Variants in IFNA8 observed in about 807,000 individuals in gnomAD.
The protein encoded by IFNA8 is interferon alpha 8.
For missense variants in IFNA8, 246 were observed against 212.3 expected (o/e 1.16, Z -0.99); for synonymous variants, 91 against 84.4 (o/e 1.08, Z -0.43).
rs1008606989 is a variant in IFNA8 at position 21,409,807 on chromosome 9, G to C, written c.*61G>C. 1 of 1,452,564 alleles carries C rather than the reference G, an allele frequency of 6.9e-7. No individual in the cohort carries two copies. Among genetic ancestry groups the C allele is most frequent in the Non-Finnish European group, 9.6e-7 (1 of 1,045,514 alleles). 90.0% of individuals were successfully genotyped at this position (1,452,564 alleles called of 1,614,324 possible). On this transcript the variant is annotated 3_prime_UTR_variant, in exon 1 of 1. Coordinates refer to ENST00000380205, the MANE Select transcript of IFNA8 (RefSeq NM_002170.4). Reference sequence around the variant, plus strand: ...AATACAGCAGCTCACACTTCGACAAGTTGTGCTCTTTCAAAGACCCTTGTT... The same window carrying C: ...AATACAGCAGCTCACACTTCGACAACTTGTGCTCTTTCAAAGACCCTTGTT...
In IFNA8 at chr9:21,409,318, T is replaced by C; in HGVS notation, c.142T>C (p.Ser48Pro). 1 of 1,613,946 alleles carries C rather than the reference T, an allele frequency of 6.2e-7. No homozygotes were observed. Among genetic ancestry groups the C allele is most frequent in the Non-Finnish European group, 8.5e-7 (1 of 1,179,940 alleles). ...ACTCCTGGCACAAATGCGAAGAATCTCTCCTTTCTCCTGCCTGAAGGACAG... is the reference window on the plus strand; with the variant it reads ...ACTCCTGGCACAAATGCGAAGAATCCCTCCTTTCTCCTGCCTGAAGGACAG... ...LILLAQMRRI[S>P]PFSCLKDRHD... The change falls in exon 1 of 1, where the codon TCT becomes CCT. Residue 48 changes from serine to proline, a missense_variant. Coordinates refer to ENST00000380205, the MANE Select transcript of IFNA8 (RefSeq NM_002170.4).
Position 21,409,260 on chromosome 9 carries a change from G to T in IFNA8, c.84G>T (p.Gln28His). ...SFSSLGCDLPQTHSLGNRRAL... is the reference protein window; with the variant it reads ...SFSSLGCDLPHTHSLGNRRAL... ...GCTCTCTGGGCTGTGATCTGCCTCA[G>T]ACTCACAGCCTGGGTAACAGGAGGG... The change falls in exon 1 of 1, where the codon CAG becomes CAT. Residue 28 changes from glutamine (Q) to histidine (H), a missense_variant. Physicochemically the swap from Gln to His is conservative, Grantham distance 24. Coordinates refer to ENST00000380205, the MANE Select transcript of IFNA8 (RefSeq NM_002170.4). The T allele has an allele frequency of 6.2e-7, 1 of 1,613,980 alleles. No individual in the cohort carries two copies. Among genetic ancestry groups the T allele is most frequent in the Non-Finnish European group, 8.5e-7 (1 of 1,179,928 alleles).
Position 21,409,337 on chromosome 9 carries a change from A to G in IFNA8, c.161A>G (p.Lys54Arg). 6.2e-7 allele frequency: 1 copy of G among 1,614,084 alleles called. No individual in the cohort carries two copies. Among genetic ancestry groups the G allele is most frequent in the African/African-American group, 1.3e-5 (1 of 75,006 alleles). ...MRRISPFSCL[K>R]DRHDFEFPQE... is the part of the protein sequence containing the mutation. The stretch of plus-strand genomic sequence containing the variant: ...AGAATCTCTCCTTTCTCCTGCCTGA[A>G]GGACAGACATGACTTTGAATTCCCC... Residue 54 changes from lysine to arginine, a missense_variant, in exon 1 of 1, where the codon AAG becomes AGG. Lys to Arg is a conservative substitution (Grantham distance 26). Coordinates refer to ENST00000380205, the MANE Select transcript of IFNA8 (RefSeq NM_002170.4).
Position 21,409,885 on chromosome 9 carries a change from G to A in IFNA8, c.*139G>A, listed in dbSNP as rs1818022573. The A allele has an allele frequency of 1.7e-5, 13 of 768,154 alleles. No individual in the cohort carries two copies. The South Asian group carries it at 2.3e-4, about 13-fold the overall frequency. 47.6% of individuals were successfully genotyped at this position (768,154 alleles called of 1,614,324 possible). On this transcript the variant is annotated 3_prime_UTR_variant, in exon 1 of 1. Transcript: ENST00000380205. ...TCAAATGTGTCAAGTGTTTTCAGGAGTGTTAAGCAACATCCTGTTCAGCTG... is the reference window on the plus strand; with the variant it reads ...TCAAATGTGTCAAGTGTTTTCAGGAATGTTAAGCAACATCCTGTTCAGCTG...
In IFNA8 at chr9:21,409,237, T is replaced by A. The variant is rs1490754575; in HGVS notation, c.61T>A (p.Ser21Thr). Residue 21 changes from serine (S) to threonine (T), a missense_variant, in exon 1 of 1, where the codon TCT becomes ACT. Transcript: ENST00000380205. ...LVVLSYKSFSSLGCDLPQTHS... is the reference protein window; with the variant it reads ...LVVLSYKSFSTLGCDLPQTHS... ...GGTGCTCAGCTACAAGTCATTCAGC[T>A]CTCTGGGCTGTGATCTGCCTCAGAC... 5.0e-6 allele frequency: 8 copies of A among 1,613,834 alleles called. No individual in the cohort carries two copies. Among genetic ancestry groups the A allele is most frequent in the Middle Eastern group, 1.6e-4 (1 of 6,078 alleles).
chr9:21,409,815 C>T lies in IFNA8; in HGVS notation c.*69C>T, dbSNP rs2133074062. The T allele has an allele frequency of 2.9e-6, 4 of 1,373,986 alleles. No homozygotes were observed. Among genetic ancestry groups the T allele is most frequent in the South Asian group, 2.4e-5 (2 of 81,714 alleles). 85.1% of individuals were successfully genotyped at this position (1,373,986 alleles called of 1,614,324 possible). On this transcript the variant is annotated 3_prime_UTR_variant, in exon 1 of 1. Transcript: ENST00000380205. Reference sequence around the variant, plus strand: ...AGCTCACACTTCGACAAGTTGTGCTCTTTCAAAGACCCTTGTTTCTGCCAA... The same window carrying T: ...AGCTCACACTTCGACAAGTTGTGCTTTTTCAAAGACCCTTGTTTCTGCCAA...
chr9:21,410,168 GATTAAAGA>G lies in IFNA8; in HGVS notation c.*425_*432del, dbSNP rs1818025898. 1 of 175,922 alleles carries G rather than the reference GATTAAAGA, an allele frequency of 5.7e-6. No individual in the cohort carries two copies. The highest frequency in any genetic ancestry group is 1.3e-5 in the Non-Finnish European group (1 of 74,292). The allele number at this position is 175,922 out of a possible 1,614,324, so 10.9% of individuals were successfully genotyped here. On this transcript the variant is annotated 3_prime_UTR_variant, in exon 1 of 1. Transcript: ENST00000380205. ...AACTCCAACCCTGATTGTGCAAACT[GATTAAAGA>G]ATGGATGGTACAATTCCTTTATCCA...
Position 21,409,397 on chromosome 9 carries a change from C to A in IFNA8, c.221C>A (p.Ala74Asp). 1 of 1,614,046 alleles carries A rather than the reference C, an allele frequency of 6.2e-7. No homozygotes were observed. The highest frequency in any genetic ancestry group is 8.5e-7 in the Non-Finnish European group (1 of 1,179,972). Residue 74 changes from alanine (A) to aspartate (D), a missense_variant, in exon 1 of 1, where the codon GCT becomes GAT. Ala to Asp is a moderately radical substitution (Grantham distance 126). Coordinates refer to ENST00000380205, the MANE Select transcript of IFNA8 (RefSeq NM_002170.4). ...TTTGATGATAAACAGTTCCAGAAGG[C>A]TCAAGCCATCTCTGTCCTCCATGAG... ...EEFDDKQFQK[A>D]QAISVLHEMI... is the part of the protein sequence containing the mutation.
chr9:21,409,121 A>T lies in IFNA8; in HGVS notation c.-56A>T. On this transcript the variant is annotated 5_prime_UTR_variant, in exon 1 of 1. Coordinates refer to ENST00000380205, the MANE Select transcript of IFNA8 (RefSeq NM_002170.4). Reference sequence around the variant, plus strand: ...GGTGTACAAACCAAAGTCTTCAGAGACCCAGGTTAAGGGTCATCCATCTGA... The same window carrying T: ...GGTGTACAAACCAAAGTCTTCAGAGTCCCAGGTTAAGGGTCATCCATCTGA... The T allele has an allele frequency of 6.9e-7, 1 of 1,455,416 alleles. No individual in the cohort carries two copies. Among genetic ancestry groups the T allele is most frequent in the Non-Finnish European group, 9.5e-7 (1 of 1,049,310 alleles). The allele number at this position is 1,455,416 out of a possible 1,614,324, so 90.2% of individuals were successfully genotyped here.
In IFNA8 at chr9:21,409,282, A is replaced by T. The variant is rs1818011117; in HGVS notation, c.106A>T (p.Arg36Trp). The T allele has an allele frequency of 1.9e-6, 3 of 1,614,044 alleles. No homozygotes were observed. The highest frequency in any genetic ancestry group is 2.5e-6 in the Non-Finnish European group (3 of 1,179,954). Residue 36 changes from arginine (R) to tryptophan (W), a missense_variant, in exon 1 of 1, where the codon AGG becomes TGG. Transcript: ENST00000380205. ...LPQTHSLGNR[R>W]ALILLAQMRR... Reference sequence around the variant, plus strand: ...TCAGACTCACAGCCTGGGTAACAGGAGGGCCTTGATACTCCTGGCACAAAT... The same window carrying T: ...TCAGACTCACAGCCTGGGTAACAGGTGGGCCTTGATACTCCTGGCACAAAT...
Position 21,409,212 on chromosome 9 carries a change from G to C in IFNA8, c.36G>C (p.Val12=), listed in dbSNP as rs764189233. ...CTTTTTATTTACTGGTGGCCCTAGT[G>C]GTGCTCAGCTACAAGTCATTCAGCT... is the stretch of plus-strand genomic sequence containing the variant. The part of the protein sequence containing the change: ...ALTFYLLVAL[V]VLSYKSFSSL... The change falls in exon 1 of 1, where the codon GTG becomes GTC. Residue 12 remains valine (V), a synonymous_variant. Transcript: ENST00000380205. 14 of 1,613,846 alleles carry C rather than the reference G, an allele frequency of 8.7e-6. No homozygotes were observed. The highest frequency in any genetic ancestry group is 1.2e-5 in the Non-Finnish European group (14 of 1,179,914).
At position 21,409,610 on chromosome 9, in the gene IFNA8, A is replaced by G; in HGVS notation, c.434A>G (p.Lys145Arg). The G allele has an allele frequency of 6.2e-7, 1 of 1,614,034 alleles. No homozygotes were observed. Among genetic ancestry groups the G allele is most frequent in the East Asian group, 2.2e-5 (1 of 44,880 alleles). The stretch of plus-strand genomic sequence containing the variant: ...GAGGACTCCATCCTGGCTGTGAGGA[A>G]ATACTTCCAAAGAATCACTCTATAT... The part of the protein sequence containing the change: ...MYEDSILAVR[K>R]YFQRITLYLT... Residue 145 changes from lysine to arginine, a missense_variant, in exon 1 of 1, where the codon AAA becomes AGA. Transcript: ENST00000380205.
Position 21,409,201 on chromosome 9 carries a change from G to A in IFNA8, c.25G>A (p.Val9Met). Residue 9 changes from valine (V) to methionine (M), a missense_variant, in exon 1 of 1, where the codon GTG (valine) becomes ATG (methionine). Transcript: ENST00000380205. MALTFYLLVALVVLSYKSF... is the reference protein window; with the variant it reads MALTFYLLMALVVLSYKSF... ...AATGGCCTTGACTTTTTATTTACTGGTGGCCCTAGTGGTGCTCAGCTACAA... is the reference window on the plus strand; with the variant it reads ...AATGGCCTTGACTTTTTATTTACTGATGGCCCTAGTGGTGCTCAGCTACAA... The A allele has an allele frequency of 6.2e-7, 1 of 1,613,866 alleles. No homozygotes were observed. The highest frequency in any genetic ancestry group is 1.3e-5 in the African/African-American group (1 of 75,012).
At chr9:21,409,624 A>ATT in the IFNA8 span, 1 of 1,614,002 alleles carries the variant, frequency 6.2e-7, no homozygotes, top group Non-Finnish European at 8.5e-7. Context: ...CTTCCAAAGA[A>ATT]TCACTCTATA....
chr9:21,409,563 G>A lies in IFNA8; in HGVS notation c.387G>A (p.Val129=). ...CCTGTGTGATGCAGGAAGTGGGGGT[G>A]ATAGAGTCTCCCCTGATGTACGAGG... ...LESCVMQEVG[V]IESPLMYEDS... Residue 129 remains valine, a synonymous_variant, in exon 1 of 1, where the codon GTG becomes GTA. Coordinates refer to ENST00000380205, the MANE Select transcript of IFNA8 (RefSeq NM_002170.4). 6.2e-7 allele frequency: 1 copy of A among 1,614,054 alleles called. No homozygotes were observed.
Position 21,409,120 on chromosome 9 carries a change from G to C in IFNA8, c.-57G>C, listed in dbSNP as rs1053756513. 2 of 1,451,764 alleles carry C rather than the reference G, an allele frequency of 1.4e-6. No individual in the cohort carries two copies. Among genetic ancestry groups the C allele is most frequent in the African/African-American group, 2.8e-5 (2 of 70,340 alleles). The allele number at this position is 1,451,764 out of a possible 1,614,324, so 89.9% of individuals were successfully genotyped here. On this transcript the variant is annotated 5_prime_UTR_variant, in exon 1 of 1. Transcript: ENST00000380205. ...CGGTGTACAAACCAAAGTCTTCAGA[G>C]ACCCAGGTTAAGGGTCATCCATCTG...
chr9:21,409,870 C>T lies in IFNA8; in HGVS notation c.*124C>T. The T allele has an allele frequency of 1.1e-6, 1 of 887,702 alleles. No homozygotes were observed. Among genetic ancestry groups the T allele is most frequent in the Non-Finnish European group, 1.8e-6 (1 of 569,538 alleles). The allele number at this position is 887,702 out of a possible 1,614,324, so 55.0% of individuals were successfully genotyped here. A position where few individuals can be genotyped will look rare whatever the true frequency, so the allele number is the denominator to read the frequency against. On this transcript the variant is annotated 3_prime_UTR_variant, in exon 1 of 1. Coordinates refer to ENST00000380205, the MANE Select transcript of IFNA8 (RefSeq NM_002170.4). ...ATGCTATGAATTGAATCAAATGTGTCAAGTGTTTTCAGGAGTGTTAAGCAA... is the reference window on the plus strand; with the variant it reads ...ATGCTATGAATTGAATCAAATGTGTTAAGTGTTTTCAGGAGTGTTAAGCAA...
Position 21,410,031 on chromosome 9 carries a change from G to T in IFNA8, c.*285G>T. 4.6e-6 allele frequency: 1 copy of T among 218,846 alleles called. No homozygotes were observed. Among genetic ancestry groups the T allele is most frequent in the South Asian group, 1.0e-4 (1 of 9,644 alleles). The allele number at this position is 218,846 out of a possible 1,614,324, so 13.6% of individuals were successfully genotyped here. On this transcript the variant is annotated 3_prime_UTR_variant, in exon 1 of 1. Coordinates refer to ENST00000380205, the MANE Select transcript of IFNA8 (RefSeq NM_002170.4). ...TAGTTTTGTTCATATTATATTATGTGAACTTTTACATTGTGAATTGTGTAA... is the reference window on the plus strand; with the variant it reads ...TAGTTTTGTTCATATTATATTATGTTAACTTTTACATTGTGAATTGTGTAA...
chr9:21,409,507 GA>G, the IFNA8 span: 1 of 1,613,946 alleles, frequency 6.2e-7, no homozygotes, highest in East Asian at 2.2e-5. Flanking sequence ...ATTCTACATC[GA>G]ACTTGACCAG....
Sources: allele counts gnomAD v4.1 joint callset, GRCh38; gene constraint gnomAD v4.1.1; transcripts MANE v1.5; gene names NCBI Gene and HGNC (gene_info 2026-07-23, HGNC 2026-07-21).